Variants in ZSWIM5 observed in about 807,000 individuals in gnomAD.
ZSWIM5 encodes zinc finger SWIM-type containing 5, also known as zinc finger SWIM domain-containing protein 5.
A neutral mutation model predicts 119.6 loss-of-function variants in ZSWIM5; 55 were observed. The ratio of observed to expected loss-of-function variants is 0.46; its 90% CI spans 0.37 to 0.58. ZSWIM5 has a LOEUF of 0.58. Among genes scored for constraint, ZSWIM5 ranks in the 20% least tolerant of loss-of-function variants. The probability of loss-of-function intolerance (pLI) is 0.00; values close to 1 mark genes in which losing one functional copy is unlikely to be tolerated. For missense variants in ZSWIM5, 1,193 were observed against 1,512.8 expected (o/e 0.79, Z 3.51); for synonymous variants, 537 against 606.9 (o/e 0.88, Z 1.69).
chr1:45,143,171 C>CA (rs60638239), intron 1 of ZSWIM5, among the ~76,000 whole-genome samples: 9,431 of 60,024 alleles, frequency 0.16, 543 homozygotes, highest in East Asian at 0.2. Context: ...GACTCTGTCT[C>CA]AAAAAAAAAA....
intron 1 of ZSWIM5, among the ~76,000 whole-genome samples, chr1:45,117,527 G>A (rs1233016114): frequency 6.6e-6 from 1 of 152,144 alleles, no homozygotes; most frequent in Non-Finnish European, 1.5e-5. Context: ...AAAAAAATTA[G>A]CCAGGCATGA....
intron 3 of ZSWIM5, 30 bp downstream of exon 3, chr1:45,060,069 A>G (rs1284384608): frequency 3.1e-6 from 5 of 1,613,110 alleles, no homozygotes; most frequent in Non-Finnish European, 4.2e-6. Context: ...TTTGTCAACA[A>G]CAAAAGAAAA....
chr1:45,044,773 A>G (rs1298540269), intron 5 of ZSWIM5, among the ~76,000 whole-genome samples: 1 of 4,032 alleles, frequency 2.5e-4, no homozygotes, highest in African/African-American at 7.2e-4. Context: ...ATATATATAT[A>G]TAAATATATA....
chr1:45,144,126 T>C (rs1407684914), intron 1 of ZSWIM5, among the ~76,000 whole-genome samples: 2 of 152,110 alleles, frequency 1.3e-5, no homozygotes, highest in African/African-American at 4.8e-5. Context: ...TTTTAAAATA[T>C]AGACAAGCTA....
intron 2 of ZSWIM5, among the ~76,000 whole-genome samples, chr1:45,079,394 TC>T (rs1317582741): frequency 6.6e-6 from 1 of 152,110 alleles, no homozygotes; most frequent in African/African-American, 2.4e-5. Flanking sequence ...CAGAGGAGCC[TC>T]CCATGGCCAC....
chr1:45,120,217 G>A (rs1557771979), intron 1 of ZSWIM5, among the ~76,000 whole-genome samples: 1 of 152,182 alleles, frequency 6.6e-6, no homozygotes, highest in Non-Finnish European at 1.5e-5. Context: ...GGTGGCACAT[G>A]CTTGTAGTCT....
At chr1:45,159,795 G>A (rs1359471939) in intron 1 of ZSWIM5, among the ~76,000 whole-genome samples, 1 of 152,084 alleles carries the variant, frequency 6.6e-6, no homozygotes, top group East Asian at 1.9e-4. Flanking sequence ...CACCATGTTG[G>A]CCAGGCTAGT....
At chr1:45,205,126 T>C (rs1185964400) in intron 1 of ZSWIM5, among the ~76,000 whole-genome samples, 6 of 143,240 alleles carry the variant, frequency 4.2e-5, no homozygotes, top group African/African-American at 1.6e-4. Context: ...TTGTATGGCT[T>C]TTTTTTTTTT....
chr1:45,071,454 C>CTTTTTTTTTT lies in ZSWIM5; in HGVS notation c.953-11217_953-11208dup, dbSNP rs58028758. 3.1e-4 allele frequency among the ~76,000 whole-genome samples: 29 copies of CTTTTTTTTTT among 93,748 alleles called. 5 individuals are homozygous for CTTTTTTTTTT. Among genetic ancestry groups the CTTTTTTTTTT allele is most frequent in the African/African-American group, 8.0e-4 (19 of 23,784 alleles). 61.5% of individuals were successfully genotyped at this position (93,748 alleles called of 152,430 possible). A position where few individuals can be genotyped will look rare whatever the true frequency, so the allele number is the denominator to read the frequency against. ...CATGTTGTTGCAAATGACAGAATCT[C>CTTTTTTTTTT]TTTTTTTTTTTTTTTTTTTGAGATA... On this transcript the variant is annotated intron_variant, in intron 2 of 13. Coordinates refer to ENST00000359600, the MANE Select transcript of ZSWIM5 (RefSeq NM_020883.2).
At chr1:45,188,054 T>C (rs1229422322) in intron 1 of ZSWIM5, among the ~76,000 whole-genome samples, 9 of 152,218 alleles carry the variant, frequency 5.9e-5, no homozygotes, top group Non-Finnish European at 1.0e-4. Context: ...CTCAAAATGT[T>C]ATACATAGTT....
chr1:45,091,238 T>A (rs1055656408), intron 1 of ZSWIM5, among the ~76,000 whole-genome samples: 1 of 152,170 alleles, frequency 6.6e-6, no homozygotes, highest in Non-Finnish European at 1.5e-5. Flanking sequence ...TTAATTTCCC[T>A]CGGGCCATTC....
At chr1:45,184,790 G>T (rs1055099180) in intron 1 of ZSWIM5, among the ~76,000 whole-genome samples, 3 of 152,090 alleles carry the variant, frequency 2.0e-5, no homozygotes, top group African/African-American at 2.4e-5. Flanking sequence ...CTCATGGGTA[G>T]GAAGAATCAA....
chr1:45,185,280 C>T (rs1408174803), intron 1 of ZSWIM5, among the ~76,000 whole-genome samples: 3 of 150,056 alleles, frequency 2.0e-5, no homozygotes, highest in African/African-American at 7.4e-5. Flanking sequence ...AATGTTAGAC[C>T]TAAAACCATA....
chr1:45,040,330 T>TC, intron 7 of ZSWIM5, 62 bp downstream of exon 7: 1 of 1,458,030 alleles, frequency 6.9e-7, no homozygotes, highest in Admixed American at 2.3e-5. Context: ...GGGCCTTGTA[T>TC]CCCCTGAGGA....
chr1:45,173,639 T>C (rs1383600861), intron 1 of ZSWIM5, among the ~76,000 whole-genome samples: 1 of 152,106 alleles, frequency 6.6e-6, no homozygotes, highest in Non-Finnish European at 1.5e-5. Context: ...TAGTTTCTTA[T>C]CAGGGCCTCA....
At chr1:45,116,331 T>C (rs1645558035) in intron 1 of ZSWIM5, among the ~76,000 whole-genome samples, 1 of 152,220 alleles carries the variant, frequency 6.6e-6, no homozygotes. Context: ...GCACCTGAGC[T>C]ATCGATACGG....
At chr1:45,169,085 A>G (rs534972592) in intron 1 of ZSWIM5, among the ~76,000 whole-genome samples, 1 of 151,960 alleles carries the variant, frequency 6.6e-6, no homozygotes, top group Non-Finnish European at 1.5e-5. Context: ...TCTCTTACGC[A>G]CTCTCTCATA....
intron 2 of ZSWIM5, among the ~76,000 whole-genome samples, chr1:45,061,109 G>A (rs972992097): frequency 6.6e-5 from 10 of 152,026 alleles, no homozygotes. Context: ...CATAGTTATA[G>A]TTATTTACAC....
At chr1:45,153,147 G>GA (rs1178197465) in intron 1 of ZSWIM5, among the ~76,000 whole-genome samples, 72 of 140,760 alleles carry the variant, frequency 5.1e-4, no homozygotes, top group East Asian at 2.1e-3. Context: ...AGACTGCAGA[G>GA]AAAAAAAAAA....
Sources: gnomAD v4.1 joint callset for allele counts (sites outside exome capture counted in the v4.1 genomes callset) on GRCh38, gnomAD v4.1.1 for gene constraint, MANE v1.5 for transcripts, NCBI Gene and HGNC (gene_info 2026-07-23, HGNC 2026-07-21) for gene names.